UGT1A10: variants seen among roughly 807,000 people sequenced by gnomAD.
UGT1A10 encodes UDP-glucuronosyltransferase 1A10.
UGT1A10 carries 49 observed loss-of-function variants against 45.8 expected under a neutral mutation model. That is an observed-to-expected ratio of 1.07 (90% confidence interval 0.85 to 1.36). The LOEUF (loss-of-function observed/expected upper bound fraction) is 1.36. Ranked by LOEUF, UGT1A10 falls within the 40% of genes most tolerant of loss-of-function variation. The pLI is 0.00. For missense variants in UGT1A10, 745 were observed against 668.6 expected, an observed-to-expected ratio of 1.11 and a Z score of -1.26; for synonymous variants, 284 against 249.7, an observed-to-expected ratio of 1.14 and a Z score of -1.29.
chr2:233,690,761 AC>A (rs1559344505), intron 1 of UGT1A10: 32 of 731,228 alleles, frequency 4.4e-5, no homozygotes, highest in Middle Eastern at 5.8e-4. Context: ...GTGCAGACAT[AC>A]ACACACACAC....
intron 1 of UGT1A10, among the ~76,000 whole-genome samples, chr2:233,757,733 CA>C (rs1183069560): frequency 6.6e-6 from 1 of 151,564 alleles, no homozygotes; most frequent in Non-Finnish European, 1.5e-5. Context: ...AGATGATCTA[CA>C]GGGCACTGGA....
chr2:233,714,538 C>T (rs945612338), intron 1 of UGT1A10, among the ~76,000 whole-genome samples: 18 of 152,120 alleles, frequency 1.2e-4, no homozygotes, highest in Non-Finnish European at 2.2e-4. Flanking sequence ...GGTCTAATAC[C>T]GAAGTGTCCA....
At chr2:233,693,217 A>G (rs1044652784) in intron 1 of UGT1A10, 20 of 1,614,092 alleles carry the variant, frequency 1.2e-5, no homozygotes, top group Non-Finnish European at 1.6e-5. Flanking sequence ...AAGAATCCAA[A>G]TACTACACAA....
intron 1 of UGT1A10, chr2:233,690,437 T>C (rs2074990213): frequency 7.9e-7 from 1 of 1,273,856 alleles, no homozygotes; most frequent in African/African-American, 1.5e-5. Context: ...TCTTTGGGTC[T>C]CTCCTCTATT....
chr2:233,700,870 T>C (rs979939494), intron 1 of UGT1A10, among the ~76,000 whole-genome samples: 10 of 148,434 alleles, frequency 6.7e-5, no homozygotes, highest in South Asian at 2.3e-4. Flanking sequence ...TATCCCTCCC[T>C]CCTCCCCCCA....
chr2:233,648,038 G>T, intron 1 of UGT1A10: 4 of 1,594,466 alleles, frequency 2.5e-6, no homozygotes. Context: ...CAACTGGGAA[G>T]ATCACTGAAT....
At chr2:233,703,034 T>A (rs1194366315) in intron 1 of UGT1A10, among the ~76,000 whole-genome samples, 1 of 152,240 alleles carries the variant, frequency 6.6e-6, no homozygotes, top group East Asian at 1.9e-4. Context: ...GTATTCATTC[T>A]TTACATATTT....
At chr2:233,650,098 G>T (rs564966109) in intron 1 of UGT1A10, among the ~76,000 whole-genome samples, 1 of 152,236 alleles carries the variant, frequency 6.6e-6, no homozygotes, top group East Asian at 1.9e-4. Flanking sequence ...AGCCTCCTGA[G>T]TAGCTGGGAT....
intron 1 of UGT1A10, among the ~76,000 whole-genome samples, chr2:233,663,308 A>C (rs979649665): frequency 2.6e-5 from 4 of 152,152 alleles, no homozygotes; most frequent in Non-Finnish European, 4.4e-5. Flanking sequence ...CAGTCTCCCC[A>C]AGCAATTTGG....
intron 1 of UGT1A10, chr2:233,690,400 C>T (rs1008882106): frequency 4.8e-5 from 56 of 1,157,702 alleles, no homozygotes; most frequent in Non-Finnish European, 6.0e-5. Flanking sequence ...CCTTCCTATT[C>T]CCAACATGAA....
chr2:233,714,260 AC>A (rs1294161130), intron 1 of UGT1A10, among the ~76,000 whole-genome samples: 1 of 152,230 alleles, frequency 6.6e-6, no homozygotes, highest in Non-Finnish European at 1.5e-5. Flanking sequence ...ATAGAAATTT[AC>A]AATTGTTGAC....
At chr2:233,743,662 G>A (rs34622615) in intron 1 of UGT1A10, 13 of 1,367,072 alleles carry the variant, frequency 9.5e-6, no homozygotes, top group African/African-American at 1.5e-5. Context: ...ACTCGAAGGG[G>A]TCCTCGAAGG....
rs544468002 is a variant in UGT1A10 at position 233,756,533 on chromosome 2, C to G, written c.856-10501C>G. Among the ~76,000 whole-genome samples, 22 of 152,166 alleles carry G rather than the reference C, an allele frequency of 1.4e-4. 2 individuals carry two copies. The South Asian group carries it at 3.5e-3, about 24-fold the overall frequency. ...TCAAATGTGCATGTTATTCACTTTT[C>G]TTGACTGCTAAAACAACCAGGGAGA... On this transcript the variant is annotated intron_variant, in intron 1 of 4. Coordinates refer to ENST00000344644, the MANE Select transcript of UGT1A10 (RefSeq NM_019075.4).
intron 1 of UGT1A10, chr2:233,748,135 T>A (rs1220195478): frequency 6.8e-6 from 11 of 1,609,160 alleles, no homozygotes; most frequent in Admixed American, 3.3e-5. Context: ...TTTTTAAAAA[T>A]TGTATTTACT....
rs62191902 is a variant in UGT1A10, at chr2:233,724,813, C to G, written c.856-42221C>G. On this transcript the variant is annotated intron_variant, in intron 1 of 4. Coordinates refer to ENST00000344644, the MANE Select transcript of UGT1A10 (RefSeq NM_019075.4). ...AGACGGGGTGGCGGCCGGGCAGAGG[C>G]TGCAATCTCGGCACTTTGGGAGGCC... Among the ~76,000 whole-genome samples, 218 of 137,754 alleles carry G rather than the reference C, an allele frequency of 1.6e-3. 8 individuals carry two copies. The highest frequency in any genetic ancestry group is 2.4e-3 in the Non-Finnish European group (154 of 64,732). 90.4% of individuals were successfully genotyped at this position (137,754 alleles called of 152,430 possible).
chr2:233,672,763 T>G (rs775497112), intron 1 of UGT1A10: 10 of 1,613,880 alleles, frequency 6.2e-6, no homozygotes, highest in Middle Eastern at 1.7e-4. Flanking sequence ...TGGTATCAAC[T>G]GCCATCAGGG....
chr2:233,666,560 T>C (rs1280064776), intron 1 of UGT1A10, among the ~76,000 whole-genome samples: 1 of 152,228 alleles, frequency 6.6e-6, no homozygotes, highest in African/African-American at 2.4e-5. Flanking sequence ...TTAAAGATTA[T>C]TTATATTCTG....
At position 233,690,776 on chromosome 2, in the gene UGT1A10, T is replaced by TACACACAC. The variant is rs34459843; in HGVS notation, c.855+53416_855+53423dup. ...GTGCAGACATACACACACACACACA[T>TACACACAC]ACACACACACACACACACACACACC... On this transcript the variant is annotated intron_variant, in intron 1 of 4. Transcript: ENST00000344644. The TACACACAC allele has an allele frequency of 4.5e-6, 4 of 891,056 alleles. No homozygotes were observed. In the African/African-American group the frequency reaches 7.1e-5, roughly 16 times the overall value. The allele number at this position is 891,056 out of a possible 1,614,324, so 55.2% of individuals were successfully genotyped here. A position where few individuals can be genotyped will look rare whatever the true frequency, so the allele number is the denominator to read the frequency against.
At chr2:233,753,846 T>C (rs540552189) in intron 1 of UGT1A10, among the ~76,000 whole-genome samples, 6 of 152,330 alleles carry the variant, frequency 3.9e-5, no homozygotes, top group Non-Finnish European at 5.9e-5. Context: ...TAGTATATCA[T>C]TGACCAACCA....
Sources: gnomAD v4.1 joint callset for allele counts (sites outside exome capture counted in the v4.1 genomes callset) on GRCh38, gnomAD v4.1.1 for gene constraint, MANE v1.5 for transcripts, NCBI Gene and HGNC (gene_info 2026-07-23, HGNC 2026-07-21) for gene names.